MAGI2: variants seen among roughly 807,000 people sequenced by gnomAD.
The protein encoded by MAGI2 is membrane-associated guanylate kinase, WW and PDZ domain-containing protein 2.
MAGI2 carries 35 observed loss-of-function variants against 133.3 expected under a neutral mutation model. The ratio of observed to expected loss-of-function variants is 0.26; its 90% CI spans 0.20 to 0.35. The LOEUF (loss-of-function observed/expected upper bound fraction) is 0.35, where lower values mean the gene tolerates loss of function less well. MAGI2 is among the 10% of genes least tolerant of loss of function. The pLI is 1.00. For missense variants in MAGI2, 1,636 were observed against 1,863.4 expected, an observed-to-expected ratio of 0.88 and a Z score of 2.25; for synonymous variants, 729 against 710.6, an observed-to-expected ratio of 1.03 and a Z score of -0.41.
chr7:78,079,917 T>A (rs1815766564), intron 20 of MAGI2, among the ~76,000 whole-genome samples: 1 of 152,196 alleles, frequency 6.6e-6, no homozygotes, highest in Non-Finnish European at 1.5e-5. Flanking sequence ...AACCCTTGAA[T>A]TAAAAAATGT....
chr7:78,177,022 G>A (rs2150677760), intron 14 of MAGI2, among the ~76,000 whole-genome samples: 1 of 149,666 alleles, frequency 6.7e-6, no homozygotes, highest in Non-Finnish European at 1.5e-5. Context: ...CATTTATTCA[G>A]CACTTAATGT....
chr7:78,055,283 T>C (rs1285904293), intron 21 of MAGI2, among the ~76,000 whole-genome samples: 1 of 152,238 alleles, frequency 6.6e-6, no homozygotes, highest in Non-Finnish European at 1.5e-5. Flanking sequence ...ATGTCACATT[T>C]TGCAATACTA....
At chr7:79,388,997 G>A (rs1336565919) in intron 1 of MAGI2, among the ~76,000 whole-genome samples, 1 of 151,762 alleles carries the variant, frequency 6.6e-6, no homozygotes. Flanking sequence ...ATTCAGAAAC[G>A]TCAAAGTTTT....
intron 2 of MAGI2, among the ~76,000 whole-genome samples, chr7:78,688,928 A>C (rs761163779): frequency 3.3e-5 from 5 of 152,212 alleles, no homozygotes; most frequent in Non-Finnish European, 5.9e-5. Context: ...GGGTTTGTCA[A>C]TAGAAGTCTA....
At chr7:79,144,812 G>A (rs143999237) in intron 1 of MAGI2, among the ~76,000 whole-genome samples, 79 of 152,246 alleles carry the variant, frequency 5.2e-4, no homozygotes, top group African/African-American at 1.8e-3. Context: ...ACAGTTTGCC[G>A]TTTAAAATTT....
At chr7:79,075,446 A>G (rs1815375560) in intron 1 of MAGI2, among the ~76,000 whole-genome samples, 1 of 152,200 alleles carries the variant, frequency 6.6e-6, no homozygotes, top group Non-Finnish European at 1.5e-5. Flanking sequence ...TTAGAAAAAC[A>G]AAATAATAGT....
Position 78,521,557 on chromosome 7 carries a change from T to C in MAGI2, c.627A>G (p.Pro209=), listed in dbSNP as rs1442012576. 1.2e-6 allele frequency: 2 copies of C among 1,614,014 alleles called. No homozygotes were observed. Among genetic ancestry groups the C allele is most frequent in the African/African-American group, 1.3e-5 (1 of 74,910 alleles). The change falls in exon 4 of 22, where the codon CCA becomes CCG. Residue 209 remains proline, a synonymous_variant. Coordinates refer to ENST00000354212, the MANE Select transcript of MAGI2 (RefSeq NM_012301.4). ...VTDQILPGAT[P]SAEGKRKRNK... ...TCCTCTTCCGTTTTCCTTCAGCACTTGGAGTGGCTCCTGGAAGTATCTGGT... is the reference window on the plus strand; with the variant it reads ...TCCTCTTCCGTTTTCCTTCAGCACTCGGAGTGGCTCCTGGAAGTATCTGGT...
intron 2 of MAGI2, among the ~76,000 whole-genome samples, chr7:78,980,793 A>T (rs555987328): frequency 0.024 from 3,654 of 150,246 alleles, 142 homozygotes; most frequent in African/African-American, 0.083. Context: ...TTGTTTTTTT[A>T]AATATTGGAG....
At chr7:78,917,101 C>T (rs1798864386) in intron 2 of MAGI2, among the ~76,000 whole-genome samples, 3 of 152,172 alleles carry the variant, frequency 2.0e-5, no homozygotes, top group South Asian at 4.1e-4. Context: ...TTACACACCG[C>T]TATTCAAGAC....
intron 1 of MAGI2, among the ~76,000 whole-genome samples, chr7:79,129,815 A>G (rs1338743167): frequency 6.6e-6 from 1 of 152,214 alleles, no homozygotes; most frequent in East Asian, 1.9e-4. Flanking sequence ...GAGGTTTCAG[A>G]GCAAGAAGAT....
At chr7:78,734,744 T>A (rs1392307904) in intron 2 of MAGI2, among the ~76,000 whole-genome samples, 1 of 152,020 alleles carries the variant, frequency 6.6e-6, no homozygotes, top group Non-Finnish European at 1.5e-5. Flanking sequence ...AGGAAAAGGA[T>A]GAAAAACACG....
At chr7:79,410,662 G>GTAT in intron 1 of MAGI2, 1 of 152,150 alleles carries the variant, frequency 6.6e-6, no homozygotes, top group African/African-American at 2.4e-5. Context: ...AAGATATTTA[G>GTAT]TATTACCTCA....
intron 14 of MAGI2, among the ~76,000 whole-genome samples, chr7:78,176,755 G>A (rs1185267304): frequency 2.0e-5 from 3 of 152,012 alleles, no homozygotes; most frequent in Non-Finnish European, 4.4e-5. Context: ...GACTGAGGCA[G>A]GAGGATTGAT....
chr7:78,571,639 G>T (rs1346741769), intron 3 of MAGI2, among the ~76,000 whole-genome samples: 1 of 151,836 alleles, frequency 6.6e-6, no homozygotes, highest in Non-Finnish European at 1.5e-5. Context: ...CAGATTTTAT[G>T]GAAAATTAAA....
intron 2 of MAGI2, among the ~76,000 whole-genome samples, chr7:78,970,183 A>C (rs2115960262): frequency 6.6e-6 from 1 of 152,142 alleles, no homozygotes; most frequent in Middle Eastern, 3.4e-3. Context: ...AATCCTTGTA[A>C]GAAAACTGTG....
At chr7:78,829,262 G>A (rs1199849314) in intron 2 of MAGI2, among the ~76,000 whole-genome samples, 1 of 151,246 alleles carries the variant, frequency 6.6e-6, no homozygotes, top group Admixed American at 6.6e-5. Context: ...TCAAATTTAT[G>A]TTGTTTATGT....
chr7:78,682,875 C>A (rs60452204), intron 2 of MAGI2, among the ~76,000 whole-genome samples: 1 of 152,028 alleles, frequency 6.6e-6, no homozygotes, highest in African/African-American at 2.4e-5. Context: ...AAAAGGGAGA[C>A]GATAAAAACA....
chr7:78,989,796 A>C (rs1805586148), intron 2 of MAGI2, among the ~76,000 whole-genome samples: 1 of 151,958 alleles, frequency 6.6e-6, no homozygotes. Flanking sequence ...CCTACCCACT[A>C]TCCTTAGCTC....
chr7:78,982,040 C>A (rs1449836006), intron 2 of MAGI2, among the ~76,000 whole-genome samples: 1 of 151,764 alleles, frequency 6.6e-6, no homozygotes, highest in Non-Finnish European at 1.5e-5. Context: ...GGTCCAAAAC[C>A]TGGTATTCTT....
Sources: allele counts gnomAD v4.1 joint callset (sites outside exome capture counted in the v4.1 genomes callset), GRCh38; gene constraint gnomAD v4.1.1; transcripts MANE v1.5; gene names NCBI Gene and HGNC (gene_info 2026-07-23, HGNC 2026-07-21).